The following SHC3 variants were observed in gnomAD, a reference collection of about 807,000 sequenced individuals.
The protein encoded by SHC3 is SHC adaptor protein 3.
A neutral mutation model predicts 60.4 loss-of-function variants in SHC3; 15 were observed. The ratio of observed to expected loss-of-function variants is 0.25; its 90% confidence interval spans 0.17 to 0.38. SHC3 has a LOEUF of 0.38. SHC3 is among the 10% of genes least tolerant of loss of function. The probability of loss-of-function intolerance (pLI) is 1.00; values close to 1 mark genes in which losing one functional copy is unlikely to be tolerated. For missense variants in SHC3, 677 were observed against 786.1 expected (o/e 0.86, Z 1.66); for synonymous variants, 294 against 325.9 (o/e 0.90, Z 1.05).
intron 1 of SHC3, among the ~76,000 whole-genome samples, chr9:89,152,441 G>C (rs1011502419): frequency 3.3e-5 from 5 of 152,214 alleles, no homozygotes; most frequent in Non-Finnish European, 7.3e-5. Flanking sequence ...AATTGCTCAA[G>C]TTAGTTGTGG....
rs1445847061 is a variant in SHC3 at position 89,071,371 on chromosome 9, ATATAAAAATAATGAT to A, written c.730-134_730-120del. Reference sequence around the variant, plus strand: ...CATGTTTTCCTGAAAATTGGTATCTATATAAAAATAATGATTATAAAAGTAATAGCAATAGATCAC... The same window carrying A: ...CATGTTTTCCTGAAAATTGGTATCTATATAAAAGTAATAGCAATAGATCAC... On this transcript the variant is annotated intron_variant, in intron 4 of 11. Coordinates refer to ENST00000375835, the MANE Select transcript of SHC3 (RefSeq NM_016848.6). 7.6e-6 allele frequency: 7 copies of A among 924,502 alleles called. No individual in the cohort carries two copies. The Middle Eastern group carries it at 6.8e-4, about 90-fold the overall frequency. The allele number at this position is 924,502 out of a possible 1,614,324, so 57.3% of individuals were successfully genotyped here. A position where few individuals can be genotyped will look rare whatever the true frequency, so the allele number is the denominator to read the frequency against.
chr9:89,065,323 G>C (rs746936935), intron 6 of SHC3, among the ~76,000 whole-genome samples: 4 of 152,212 alleles, frequency 2.6e-5, no homozygotes, highest in Non-Finnish European at 4.4e-5. Context: ...CTGGATACAA[G>C]CGTGTGTTTG....
At chr9:89,158,601 C>T (rs1367708853) in intron 1 of SHC3, among the ~76,000 whole-genome samples, 1 of 152,146 alleles carries the variant, frequency 6.6e-6, no homozygotes, top group Non-Finnish European at 1.5e-5. Context: ...CCATCAATGG[C>T]TAGTGGTATC....
intron 7 of SHC3, 24 bp from the exon 8 acceptor site, chr9:89,047,018 G>A (rs370404820): frequency 1.5e-4 from 224 of 1,520,290 alleles, no homozygotes; most frequent in African/African-American, 9.8e-4. Context: ...ATTTCCAAGG[G>A]CTTTAGCCAA....
chr9:89,128,446 C>T (rs1337483421), intron 1 of SHC3, among the ~76,000 whole-genome samples: 2 of 152,178 alleles, frequency 1.3e-5, no homozygotes, highest in Non-Finnish European at 2.9e-5. Flanking sequence ...GGACAGACTA[C>T]CTCCTCAAGT....
intron 6 of SHC3, among the ~76,000 whole-genome samples, chr9:89,065,230 G>A (rs1175362454): frequency 2.0e-5 from 3 of 152,160 alleles, no homozygotes; most frequent in African/African-American, 7.2e-5. Context: ...GGCAGCAGGT[G>A]GTCTTCCAGG....
intron 11 of SHC3, among the ~76,000 whole-genome samples, chr9:89,027,684 C>T (rs891813209): frequency 6.6e-6 from 1 of 152,050 alleles, no homozygotes; most frequent in Admixed American, 6.5e-5. Context: ...CCACCTTCTC[C>T]GAACCCAGAA....
intron 1 of SHC3, among the ~76,000 whole-genome samples, chr9:89,169,743 T>A (rs2118264484): frequency 6.6e-6 from 1 of 152,228 alleles, no homozygotes; most frequent in African/African-American, 2.4e-5. Flanking sequence ...GCTGTTGAAG[T>A]TGGGTGGCGG....
At chr9:89,045,620 A>G in intron 9 of SHC3, 126 bp downstream of exon 9, 1 of 810,458 alleles carries the variant, frequency 1.2e-6, no homozygotes, top group Non-Finnish European at 2.0e-6. Flanking sequence ...TTCTATAGCA[A>G]CACACACAGC....
chr9:89,029,567 A>G (rs1201121068), intron 11 of SHC3, among the ~76,000 whole-genome samples: 1 of 152,174 alleles, frequency 6.6e-6, no homozygotes, highest in Non-Finnish European at 1.5e-5. Flanking sequence ...AGTGAAAGCC[A>G]AGAAAGAGGA....
intron 6 of SHC3, among the ~76,000 whole-genome samples, chr9:89,062,238 T>C (rs1437084945): frequency 6.6e-6 from 1 of 152,202 alleles, no homozygotes; most frequent in Non-Finnish European, 1.5e-5. Flanking sequence ...AATGATATGT[T>C]AGAATTTAGC....
chr9:89,038,377 G>A, intron 10 of SHC3, 89 bp from the exon 11 acceptor site: 3 of 1,387,042 alleles, frequency 2.2e-6, no homozygotes, highest in South Asian at 1.5e-5. Flanking sequence ...TGAGAGAGAT[G>A]GAAATGCAAA....
chr9:89,107,837 C>T (rs537208216), intron 2 of SHC3, among the ~76,000 whole-genome samples: 283 of 152,304 alleles, frequency 1.9e-3, no homozygotes, highest in African/African-American at 6.5e-3. Context: ...TTTTCCCTTT[C>T]CCTGGCATGT....
chr9:89,087,280 G>A (rs1825545874), intron 2 of SHC3, among the ~76,000 whole-genome samples: 1 of 152,198 alleles, frequency 6.6e-6, no homozygotes, highest in Non-Finnish European at 1.5e-5. Flanking sequence ...ATGTTTCCCT[G>A]ATCCCTAGGG....
chr9:89,123,053 C>T (rs2118145406), intron 1 of SHC3, among the ~76,000 whole-genome samples: 1 of 152,234 alleles, frequency 6.6e-6, no homozygotes, highest in East Asian at 1.9e-4. Flanking sequence ...AGCCAATCTG[C>T]CAGGTGGGTG....
intron 2 of SHC3, among the ~76,000 whole-genome samples, chr9:89,087,951 A>AATT (rs1825559258): frequency 6.6e-6 from 1 of 152,196 alleles, no homozygotes; most frequent in Non-Finnish European, 1.5e-5. Flanking sequence ...TTTTACCTCA[A>AATT]ATTACATTTC....
intron 10 of SHC3, among the ~76,000 whole-genome samples, chr9:89,040,297 C>A (rs1824668324): frequency 3.9e-5 from 1 of 25,874 alleles, no homozygotes; most frequent in African/African-American, 1.4e-4. Context: ...ATCATCACAT[C>A]AGCACCGCTA....
chr9:89,169,352 C>T (rs2118263632), intron 1 of SHC3, among the ~76,000 whole-genome samples: 1 of 152,212 alleles, frequency 6.6e-6, no homozygotes, highest in South Asian at 2.1e-4. Flanking sequence ...ATAACGGGAC[C>T]CTGAACCACT....
At chr9:89,142,127 A>G (rs1365937745) in intron 1 of SHC3, among the ~76,000 whole-genome samples, 1 of 152,218 alleles carries the variant, frequency 6.6e-6, no homozygotes, top group Non-Finnish European at 1.5e-5. Context: ...TTAACATCCC[A>G]TGGTGCCAAA....
Sources: allele counts gnomAD v4.1 joint callset (sites outside exome capture counted in the v4.1 genomes callset), GRCh38; gene constraint gnomAD v4.1.1; transcripts MANE v1.5; gene names NCBI Gene and HGNC (gene_info 2026-07-23, HGNC 2026-07-21).